The following VAV3 variants were observed in gnomAD, a reference collection of about 807,000 sequenced individuals.
The protein encoded by VAV3 is guanine nucleotide exchange factor VAV3.
Under a neutral mutation model 131.2 loss-of-function variants are expected in VAV3, and 94 were observed. The ratio of observed to expected loss-of-function variants is 0.72; its 90% CI spans 0.61 to 0.85. VAV3 has a LOEUF of 0.85. Among genes scored for constraint, VAV3 ranks in the 40% least tolerant of loss-of-function variants. VAV3 has a pLI of 0.00. For synonymous variants in VAV3, 349 were observed against 342.0 expected (o/e 1.02, Z -0.22); for missense variants, 939 against 1,002.7 (o/e 0.94, Z 0.86).
chr1:107,685,826 C>T (rs879278538), intron 18 of VAV3: 10 of 151,708 alleles, frequency 6.6e-5, no homozygotes, highest in Non-Finnish European at 1.5e-4. Flanking sequence ...GCGTATACTC[C>T]CCTCCCCAAT....
chr1:107,633,529 G>A lies in VAV3; in HGVS notation c.1914+9090C>T, dbSNP rs560948665. On this transcript the variant is annotated intron_variant, in intron 20 of 26. Transcript: ENST00000370056. ...ATTTTATTCTTAGGGCTGCTCATGC[G>A]GCTTCAAAATGTTTTCTGTCTGTGG... Among the ~76,000 whole-genome samples the A allele has an allele frequency of 4.6e-5, 7 of 152,208 alleles. No individual in the cohort carries two copies. In the South Asian group the frequency reaches 6.2e-4, roughly 14 times the overall value.
At chr1:107,858,615 A>C (rs11578794) in intron 2 of VAV3, among the ~76,000 whole-genome samples, 8 of 151,828 alleles carry the variant, frequency 5.3e-5, no homozygotes, top group Non-Finnish European at 1.0e-4. Flanking sequence ...AAGCGAGGGA[A>C]CTAGGTTGTG....
chr1:107,912,008 G>A (rs1672391695), intron 1 of VAV3, among the ~76,000 whole-genome samples: 1 of 152,224 alleles, frequency 6.6e-6, no homozygotes, highest in Admixed American at 6.5e-5. Context: ...GGGACTACAT[G>A]ACTTGGAAGT....
At chr1:107,905,356 C>A (rs568052853) in intron 1 of VAV3, among the ~76,000 whole-genome samples, 2 of 152,118 alleles carry the variant, frequency 1.3e-5, no homozygotes, top group African/African-American at 4.8e-5. Flanking sequence ...CTGGTATATG[C>A]GACCATATAT....
intron 2 of VAV3, among the ~76,000 whole-genome samples, chr1:107,844,854 G>A (rs1010597816): frequency 6.6e-5 from 10 of 152,170 alleles, no homozygotes; most frequent in Admixed American, 6.5e-4. Context: ...GAGCACCTGG[G>A]GGAAGGTGCA....
intron 2 of VAV3, among the ~76,000 whole-genome samples, chr1:107,822,275 G>A (rs1055080924): frequency 1.3e-5 from 2 of 152,100 alleles, no homozygotes; most frequent in African/African-American, 4.8e-5. Context: ...TATGGTGAAG[G>A]GAAGGCAAAG....
intron 1 of VAV3, among the ~76,000 whole-genome samples, chr1:107,905,640 G>A: frequency 6.6e-6 from 1 of 151,966 alleles, no homozygotes; most frequent in East Asian, 1.9e-4. Flanking sequence ...ACTTTAAAAG[G>A]CATTATTTAT....
rs1673276029 is a variant in VAV3, at chr1:107,928,693, TAC to T, written c.204+35971_204+35972del. On this transcript the variant is annotated intron_variant, in intron 1 of 26. Transcript: ENST00000370056. ...AGCTTGACAGCAGGCTAGCTGAAAA[TAC>T]ACAGTCAGAGGAGGCAAAAGAAAAA... is the stretch of plus-strand genomic sequence containing the variant. 2.0e-5 allele frequency among the ~76,000 whole-genome samples: 3 copies of T among 151,812 alleles called. 1 individual carries two copies. The South Asian group carries it at 6.2e-4, about 31-fold the overall frequency.
chr1:107,783,858 C>T (rs1307818298), intron 2 of VAV3, among the ~76,000 whole-genome samples: 3 of 149,550 alleles, frequency 2.0e-5, no homozygotes, highest in Non-Finnish European at 4.4e-5. Context: ...ACCATCCTGG[C>T]CAACACAGTG....
At chr1:107,679,587 T>C (rs756368808) in intron 19 of VAV3, among the ~76,000 whole-genome samples, 1 of 152,124 alleles carries the variant, frequency 6.6e-6, no homozygotes, top group Non-Finnish European at 1.5e-5. Context: ...GTGAAAAGAA[T>C]ACATGCCCTG....
chr1:107,732,132 T>G (rs10430094), intron 15 of VAV3, among the ~76,000 whole-genome samples: 1,574 of 152,306 alleles, frequency 0.01, 23 homozygotes, highest in South Asian at 0.044. Flanking sequence ...AATCCCATTC[T>G]CCACAGATCA....
chr1:107,777,644 C>A (rs566616896), intron 3 of VAV3: 115 of 285,090 alleles, frequency 4.0e-4, no homozygotes, highest in Non-Finnish European at 6.1e-4. Flanking sequence ...CACCCCAAGT[C>A]AGACAACAAA....
chr1:107,816,358 T>G (rs776845044), intron 2 of VAV3, among the ~76,000 whole-genome samples: 28 of 152,204 alleles, frequency 1.8e-4, no homozygotes, highest in Non-Finnish European at 4.0e-4. Context: ...ATTTTTAAGA[T>G]TAAATGAGAT....
chr1:107,790,153 G>A (rs1478515124), intron 2 of VAV3, among the ~76,000 whole-genome samples: 1 of 152,212 alleles, frequency 6.6e-6, no homozygotes, highest in Admixed American at 6.5e-5. Flanking sequence ...CTCTTCAGTG[G>A]AACCAGAAGA....
chr1:107,836,003 T>C (rs1003010608), intron 2 of VAV3, among the ~76,000 whole-genome samples: 1 of 152,096 alleles, frequency 6.6e-6, no homozygotes, highest in East Asian at 1.9e-4. Context: ...TAAATATATA[T>C]ACACCTAACA....
chr1:107,868,066 C>T (rs1670083994), intron 2 of VAV3, among the ~76,000 whole-genome samples: 1 of 152,104 alleles, frequency 6.6e-6, no homozygotes, highest in Non-Finnish European at 1.5e-5. Flanking sequence ...CTAAAGCTGT[C>T]CCAGGAACCA....
chr1:107,642,459 C>T (rs567961815), intron 20 of VAV3, among the ~76,000 whole-genome samples, 160 bp downstream of exon 20: 1 of 152,272 alleles, frequency 6.6e-6, no homozygotes, highest in Admixed American at 6.5e-5. Context: ...ACCCTCGGGG[C>T]TGCTCTGTCT....
At chr1:107,660,929 G>GTT (rs1557741603) in intron 19 of VAV3, among the ~76,000 whole-genome samples, 1 of 151,984 alleles carries the variant, frequency 6.6e-6, no homozygotes, top group Non-Finnish European at 1.5e-5. Context: ...AAGGCACAAT[G>GTT]TTCAAACATA....
At chr1:107,787,894 C>A (rs1301909274) in intron 2 of VAV3, among the ~76,000 whole-genome samples, 1 of 152,088 alleles carries the variant, frequency 6.6e-6, no homozygotes, top group Non-Finnish European at 1.5e-5. Flanking sequence ...CCTCTGAAGA[C>A]CCCAAACAGA....
Sources: gnomAD v4.1 joint callset for allele counts (sites outside exome capture counted in the v4.1 genomes callset) on GRCh38, gnomAD v4.1.1 for gene constraint, MANE v1.5 for transcripts, NCBI Gene and HGNC (gene_info 2026-07-23, HGNC 2026-07-21) for gene names.